The following MYO5B variants were observed in gnomAD, a reference collection of about 807,000 sequenced individuals.
MYO5B encodes the protein myosin VB.
In MYO5B, 143 loss-of-function variants were observed where a neutral mutation model predicts 229.3. The observed-to-expected ratio is 0.62, with a 90% CI of 0.54 to 0.72. The LOEUF (loss-of-function observed/expected upper bound fraction) is 0.72, where lower values mean the gene tolerates loss of function less well. MYO5B is among the 30% of genes least tolerant of loss of function. The pLI, the probability that MYO5B is intolerant of heterozygous loss-of-function variation, is 0.00. For synonymous variants in MYO5B, 918 were observed against 885.2 expected (o/e 1.04, Z -0.66); for missense variants, 2,321 against 2,331.0 (o/e 1.00, Z 0.09).
rs2024724196 is a variant in MYO5B at position 49,892,257 on chromosome 18, C to G, written c.3045+2684G>C. Among the ~76,000 whole-genome samples, 3 of 152,180 alleles carry G rather than the reference C, an allele frequency of 2.0e-5. 1 individual carries two copies. In the South Asian group the frequency reaches 6.2e-4, roughly 32 times the overall value. ...GGTGTGGACTACCCCGTGGAAGCGC[C>G]AAAACAACAGATACCTTTAGTAGAA... On this transcript the variant is annotated intron_variant, in intron 22 of 39. Coordinates refer to ENST00000285039, the MANE Select transcript of MYO5B (RefSeq NM_001080467.3).
chr18:50,011,928 C>A (rs576407449), intron 4 of MYO5B, among the ~76,000 whole-genome samples: 66 of 152,114 alleles, frequency 4.3e-4, no homozygotes, highest in Admixed American at 7.2e-4. Flanking sequence ...TTCCCAGAGA[C>A]CATTCCAAGC....
chr18:50,038,561 A>G (rs1204193303), intron 3 of MYO5B, among the ~76,000 whole-genome samples: 1 of 152,190 alleles, frequency 6.6e-6, no homozygotes, highest in Non-Finnish European at 1.5e-5. Flanking sequence ...ATAAGATTCT[A>G]ATTCACGTAG....
chr18:49,935,308 C>A (rs2025237018), intron 16 of MYO5B, among the ~76,000 whole-genome samples: 1 of 152,186 alleles, frequency 6.6e-6, no homozygotes, highest in Non-Finnish European at 1.5e-5. Flanking sequence ...AATTCAGTTC[C>A]TCACTCACAC....
chr18:49,913,384 A>G (rs1443238368), intron 17 of MYO5B, among the ~76,000 whole-genome samples: 2 of 152,210 alleles, frequency 1.3e-5, no homozygotes, highest in Non-Finnish European at 2.9e-5. Context: ...GAGGTATTCA[A>G]CAACTTCTTC....
In MYO5B at chr18:49,880,402, CT is replaced by C; in HGVS notation, c.3098del (p.Gln1033ArgfsTer19). On this transcript the variant is annotated frameshift_variant, in exon 23 of 40. Transcript: ENST00000285039. LOFTEE classifies it high-confidence loss of function. ...ACTGGCACAGGATTTGGTTGTTGAG[CT>C]GTTCTTTCTCATCTTTCAAGAGAGC... is the stretch of plus-strand genomic sequence containing the variant. ...ENALLKDEKE[Q>X]LNNQILCQSK... The C allele has an allele frequency of 6.2e-7, 1 of 1,614,128 alleles. No individual in the cohort carries two copies. The highest frequency in any genetic ancestry group is 8.5e-7 in the Non-Finnish European group (1 of 1,180,010).
chr18:50,139,301 G>T (rs948206770), intron 1 of MYO5B, among the ~76,000 whole-genome samples: 13 of 152,174 alleles, frequency 8.5e-5, no homozygotes, highest in African/African-American at 3.1e-4. Context: ...CTACAAAGTG[G>T]ACACTCATTT....
At chr18:50,180,169 A>G (rs928263913) in intron 1 of MYO5B, among the ~76,000 whole-genome samples, 1 of 152,126 alleles carries the variant, frequency 6.6e-6, no homozygotes, top group Non-Finnish European at 1.5e-5. Flanking sequence ...AAGGCTGCCC[A>G]CTCAGAACCT....
In MYO5B at chr18:49,937,373, G is replaced by T; in HGVS notation, c.1777C>A (p.His593Asn). 1.2e-6 allele frequency: 2 copies of T among 1,614,148 alleles called. No individual in the cohort carries two copies. The highest frequency in any genetic ancestry group is 2.2e-5 in the South Asian group (2 of 91,084). The change falls in exon 15 of 40, where the codon CAT (histidine) becomes AAT (asparagine). Residue 593 changes from histidine to asparagine, a missense_variant. This residue lies in a region of MYO5B where 2,113 missense variants were observed against 2,044.7 expected (regional missense o/e 1.03). Coordinates refer to ENST00000285039, the MANE Select transcript of MYO5B (RefSeq NM_001080467.3). ...SKFPLVADLFHDDKDPVPATT... is the reference protein window; with the variant it reads ...SKFPLVADLFNDDKDPVPATT... ...GCAGGAACAGGGTCCTTGTCATCAT[G>T]AAACAAGTCAGCCACTAGTGGGAAC...
chr18:50,072,160 G>C (rs1425889430), intron 1 of MYO5B, among the ~76,000 whole-genome samples: 1 of 152,168 alleles, frequency 6.6e-6, no homozygotes, highest in Non-Finnish European at 1.5e-5. Context: ...TTATGGAGGA[G>C]GGACACTCTG....
At chr18:50,055,235 A>G (rs1361575598) in intron 2 of MYO5B, 33 bp downstream of exon 2, 7 of 355,764 alleles carry the variant, frequency 2.0e-5, no homozygotes, top group East Asian at 1.3e-4. Context: ...GCCCCACCTC[A>G]CCCCCGCCCC....
At chr18:50,030,534 G>A (rs1395006566) in intron 4 of MYO5B, among the ~76,000 whole-genome samples, 1 of 151,970 alleles carries the variant, frequency 6.6e-6, no homozygotes, top group South Asian at 2.1e-4. Flanking sequence ...ACACTTATGG[G>A]GATCCAAATC....
intron 1 of MYO5B, among the ~76,000 whole-genome samples, chr18:50,090,079 C>T (rs1404494382): frequency 6.6e-6 from 1 of 152,190 alleles, no homozygotes; most frequent in East Asian, 1.9e-4. Flanking sequence ...GCCCCACTCC[C>T]TTTGTCTCTG....
chr18:49,989,444 C>G (rs971896999), intron 7 of MYO5B, among the ~76,000 whole-genome samples: 2 of 152,156 alleles, frequency 1.3e-5, no homozygotes, highest in Non-Finnish European at 2.9e-5. Context: ...TGGACCTCCC[C>G]ACATGCCCCC....
intron 17 of MYO5B, among the ~76,000 whole-genome samples, chr18:49,921,870 C>T (rs1304267119): frequency 2.6e-5 from 4 of 152,240 alleles, no homozygotes; most frequent in African/African-American, 4.8e-5. Flanking sequence ...CCATCTCCTT[C>T]ACTTTGGCTG....
At chr18:50,139,779 A>C (rs2032389981) in intron 1 of MYO5B, among the ~76,000 whole-genome samples, 1 of 152,146 alleles carries the variant, frequency 6.6e-6, no homozygotes, top group South Asian at 2.1e-4. Flanking sequence ...CAGGTCCGGC[A>C]GGCAGAACCA....
At chr18:50,112,408 G>A (rs1468490496) in intron 1 of MYO5B, among the ~76,000 whole-genome samples, 1 of 152,072 alleles carries the variant, frequency 6.6e-6, no homozygotes, top group Middle Eastern at 3.2e-3. Flanking sequence ...TCAACACCAA[G>A]ACGTCCCCAT....
chr18:50,116,299 A>T (rs914798238), intron 1 of MYO5B, among the ~76,000 whole-genome samples: 1 of 152,156 alleles, frequency 6.6e-6, no homozygotes, highest in African/African-American at 2.4e-5. Flanking sequence ...CAGCCTGATC[A>T]CTAGTCAACA....
intron 1 of MYO5B, among the ~76,000 whole-genome samples, chr18:50,094,418 G>A (rs919213603): frequency 2.0e-5 from 3 of 152,080 alleles, no homozygotes; most frequent in Non-Finnish European, 2.9e-5. Context: ...AATTATGGAC[G>A]ACACTTCTTT....
At chr18:49,953,768 G>A (rs1164013255) in intron 13 of MYO5B, among the ~76,000 whole-genome samples, 1 of 152,100 alleles carries the variant, frequency 6.6e-6, no homozygotes, top group Non-Finnish European at 1.5e-5. Flanking sequence ...GCAGCCCCCT[G>A]AAGAGCAGCT....
Sources: allele counts gnomAD v4.1 joint callset (sites outside exome capture counted in the v4.1 genomes callset), GRCh38; gene constraint gnomAD v4.1.1; regional missense constraint gnomAD v4.1.1; transcripts MANE v1.5; gene names NCBI Gene and HGNC (gene_info 2026-07-23, HGNC 2026-07-21).